SCG2: variants seen among roughly 807,000 people sequenced by gnomAD.
SCG2 encodes secretogranin II.
Under a neutral mutation model 49.5 loss-of-function variants are expected in SCG2, and 23 were observed. The observed-to-expected ratio is 0.46, with a 90% CI of 0.33 to 0.66. The LOEUF is 0.66. Among genes scored for constraint, SCG2 ranks in the 30% least tolerant of loss-of-function variants. SCG2 has a pLI of 0.01. For missense variants in SCG2, 730 were observed against 728.2 expected (o/e 1.00, Z -0.03); for synonymous variants, 288 against 260.4 (o/e 1.11, Z -1.02).
rs866502357 is a variant in SCG2 at position 223,599,240 on chromosome 2, G to A, written c.43C>T (p.Leu15Phe). 1 of 1,601,606 alleles carries A rather than the reference G, an allele frequency of 6.2e-7. No homozygotes were observed. Among genetic ancestry groups the A allele is most frequent in the East Asian group, 2.2e-5 (1 of 44,470 alleles). The change falls in exon 2 of 2, where the codon CTT becomes TTT. Residue 15 changes from leucine to phenylalanine, a missense_variant. Leu to Phe is a conservative substitution (Grantham distance 22). Coordinates refer to ENST00000305409, the MANE Select transcript of SCG2 (RefSeq NM_003469.5). ...GAGATGAGGAAAATTAAAGGGATAA[G>A]AGACAGGGCTGCTCCAAGCCAGTGG... ...KTHWLGAALS[L>F]IPLIFLISGA...
intron 1 of SCG2, among the ~76,000 whole-genome samples, chr2:223,600,624 T>C (rs1691376081): frequency 6.6e-6 from 1 of 152,186 alleles, no homozygotes. Flanking sequence ...AATTTTCTGT[T>C]AGCTTAGACA....
intron 1 of SCG2, among the ~76,000 whole-genome samples, chr2:223,600,158 A>G (rs1691369498): frequency 6.6e-6 from 1 of 152,180 alleles, no homozygotes; most frequent in South Asian, 2.1e-4. Context: ...AGCCCTTCAG[A>G]GTGTATAGTA....
Position 223,598,700 on chromosome 2 carries a change from G to A in SCG2, c.583C>T (p.Leu195Phe), listed in dbSNP as rs1189388472. 3 of 1,613,892 alleles carry A rather than the reference G, an allele frequency of 1.9e-6. No homozygotes were observed. Among genetic ancestry groups the A allele is most frequent in the Admixed American group, 1.7e-5 (1 of 60,018 alleles). The change falls in exon 2 of 2, where the codon CTT becomes TTT. Residue 195 changes from leucine to phenylalanine, a missense_variant. By Grantham distance (22) the Leu-to-Phe change is conservative. Transcript: ENST00000305409. ...IVEEQYTPQS[L>F]ATLESVFQEL... ...TGGAAGACAGATTCCAATGTAGCAA[G>A]GCTTTGAGGAGTATATTGTTCCTCC...
chr2:223,598,247 G>A lies in SCG2; in HGVS notation c.1036C>T (p.Gln346Ter), dbSNP rs1240805042. The A allele has an allele frequency of 1.9e-6, 3 of 1,614,170 alleles. No homozygotes were observed. The change falls in exon 2 of 2, where the codon CAG (glutamine) becomes TAG (stop). Residue 346 changes from glutamine (Q) to a stop codon, truncating the protein, a stop_gained. Coordinates refer to ENST00000305409, the MANE Select transcript of SCG2 (RefSeq NM_003469.5). LOFTEE classifies it high-confidence loss of function. Reference protein sequence around the residue: ...TRLFEKPLDSQSIYQLIEISR... With the variant: ...TRLFEKPLDS ...ATTTCAATCAGCTGATAAATAGACT[G>A]AGAATCAAGAGGTTTCTCAAAAAGC...
At position 223,597,846 on chromosome 2, in the gene SCG2, G is replaced by A. The variant is rs1205769089; in HGVS notation, c.1437C>T (p.Pro479=). 2.5e-6 allele frequency: 4 copies of A among 1,613,976 alleles called. No individual in the cohort carries two copies. Among genetic ancestry groups the A allele is most frequent in the Non-Finnish European group, 3.4e-6 (4 of 1,180,028 alleles). Residue 479 remains proline (P), a synonymous_variant, in exon 2 of 2, where the codon CCC becomes CCT. Transcript: ENST00000305409. ...CAACATGTGGAATCCAGGCAGCTTT[G>A]GGAAGCTGGTTCGATCTAGATCTTC... ...GAGRSRSNQL[P]KAAWIPHVEN...
At position 223,597,950 on chromosome 2, in the gene SCG2, C is replaced by T. The variant is rs1691324980; in HGVS notation, c.1333G>A (p.Ala445Thr). Residue 445 changes from alanine to threonine, a missense_variant, in exon 2 of 2, where the codon GCA becomes ACA. Physicochemically the swap from Ala to Thr is moderately conservative, Grantham distance 58. Transcript: ENST00000305409. ...AAATACGACGTTTTCTGATTTGCTG[C>T]ACTCTCCATCCCTAAAAGATTTAAA... ...DILNLLGMESAANQKTSYFPN... is the reference protein window; with the variant it reads ...DILNLLGMESTANQKTSYFPN... 1 of 1,614,126 alleles carries T rather than the reference C, an allele frequency of 6.2e-7. No homozygotes were observed. The highest frequency in any genetic ancestry group is 1.7e-5 in the Admixed American group (1 of 60,018).
Position 223,598,604 on chromosome 2 carries a change from T to C in SCG2, c.679A>G (p.Thr227Ala). The C allele has an allele frequency of 6.2e-7, 1 of 1,614,164 alleles. No homozygotes were observed. Among genetic ancestry groups the C allele is most frequent in the Non-Finnish European group, 8.5e-7 (1 of 1,180,046 alleles). Residue 227 changes from threonine to alanine, a missense_variant, in exon 2 of 2, where the codon ACG (threonine) becomes GCG (alanine). Coordinates refer to ENST00000305409, the MANE Select transcript of SCG2 (RefSeq NM_003469.5). ...ERMDEEQKLY[T>A]DDEDDIYKAN... is the part of the protein sequence containing the mutation. ...TTGTAGATATCATCTTCATCATCCG[T>C]ATAAAGTTTTTGCTCCTCATCCATC...
chr2:223,597,442 A>G lies in SCG2; in HGVS notation c.1841T>C (p.Met614Thr). 4 of 1,597,170 alleles carry G rather than the reference A, an allele frequency of 2.5e-6. No individual in the cohort carries two copies. The highest frequency in any genetic ancestry group is 2.6e-6 in the Non-Finnish European group (3 of 1,171,466). ...KGREHIAKRA[M>T]ENM is the part of the protein sequence containing the mutation. Reference sequence around the variant, plus strand: ...AATGAAAGCAGCTTACATATTTTCCATTGCTCTCTTAGCAATATGCTCCCT... The same window carrying G: ...AATGAAAGCAGCTTACATATTTTCCGTTGCTCTCTTAGCAATATGCTCCCT... The change falls in exon 2 of 2, where the codon ATG becomes ACG. Residue 614 changes from methionine (M) to threonine (T), a missense_variant. Physicochemically the swap from Met to Thr is moderately conservative, Grantham distance 81. Transcript: ENST00000305409.
chr2:223,602,066 G>A (rs1691399355), intron 1 of SCG2: 1 of 152,096 alleles, frequency 6.6e-6, no homozygotes, highest in African/African-American at 2.4e-5. Context: ...GTAACATTCT[G>A]GTTAGTAAAT....
chr2:223,598,552 A>T lies in SCG2; in HGVS notation c.731T>A (p.Val244Glu), dbSNP rs779561900. The T allele has an allele frequency of 6.2e-7, 1 of 1,613,788 alleles. No individual in the cohort carries two copies. Among genetic ancestry groups the T allele is most frequent in the Admixed American group, 1.7e-5 (1 of 59,982 alleles). The change falls in exon 2 of 2, where the codon GTG (valine) becomes GAG (glutamate). Residue 244 changes from valine to glutamate, a missense_variant. Val to Glu is a moderately radical substitution (Grantham distance 121). Coordinates refer to ENST00000305409, the MANE Select transcript of SCG2 (RefSeq NM_003469.5). ...TGGGTTCCAGTCTTCTCCCCCGACC[A>T]CATCTTCATAGGCAATGTTATTAGC... is the stretch of plus-strand genomic sequence containing the variant. ...YKANNIAYED[V>E]VGGEDWNPVE...
Position 223,598,660 on chromosome 2 carries a change from A to G in SCG2, c.623T>C (p.Leu208Pro), listed in dbSNP as rs775013040. ...ACGTTTCTGGTTGTTTGGTCCTGTC[A>G]GTTTCCCCAGCTCTTGGAAGACAGA... is the stretch of plus-strand genomic sequence containing the variant. ...LESVFQELGKLTGPNNQKRER... is the reference protein window; with the variant it reads ...LESVFQELGKPTGPNNQKRER... The change falls in exon 2 of 2, where the codon CTG becomes CCG. Residue 208 changes from leucine to proline, a missense_variant. Coordinates refer to ENST00000305409, the MANE Select transcript of SCG2 (RefSeq NM_003469.5). The G allele has an allele frequency of 1.2e-6, 2 of 1,614,034 alleles. No homozygotes were observed. The highest frequency in any genetic ancestry group is 1.7e-6 in the Non-Finnish European group (2 of 1,180,034).
rs1691321202 is a variant in SCG2 at position 223,597,748 on chromosome 2, A to G, written c.1535T>C (p.Leu512Pro). ...QELGEYLARM[L>P]VKYPEIINSN... ...ATTAATGATCTCAGGGTATTTAACT[A>G]GCATCCTGGCCAAGTACTCACCTAA... is the stretch of plus-strand genomic sequence containing the variant. The change falls in exon 2 of 2, where the codon CTA becomes CCA. Residue 512 changes from leucine (L) to proline (P), a missense_variant. Physicochemically the swap from Leu to Pro is moderately conservative, Grantham distance 98 (BLOSUM62 -3). Coordinates refer to ENST00000305409, the MANE Select transcript of SCG2 (RefSeq NM_003469.5). The G allele has an allele frequency of 1.9e-6, 3 of 1,614,150 alleles. No individual in the cohort carries two copies. Among genetic ancestry groups the G allele is most frequent in the Non-Finnish European group, 2.5e-6 (3 of 1,180,024 alleles).
chr2:223,597,752 T>C lies in SCG2; in HGVS notation c.1531A>G (p.Met511Val). Residue 511 changes from methionine to valine, a missense_variant, in exon 2 of 2, where the codon ATG (methionine) becomes GTG (valine). Coordinates refer to ENST00000305409, the MANE Select transcript of SCG2 (RefSeq NM_003469.5). ...ATGATCTCAGGGTATTTAACTAGCA[T>C]CCTGGCCAAGTACTCACCTAATTCT... is the stretch of plus-strand genomic sequence containing the variant. Reference protein sequence around the residue: ...DQELGEYLARMLVKYPEIINS... With the variant: ...DQELGEYLARVLVKYPEIINS... The C allele has an allele frequency of 1.9e-6, 3 of 1,614,156 alleles. No individual in the cohort carries two copies. The highest frequency in any genetic ancestry group is 2.5e-6 in the Non-Finnish European group (3 of 1,180,024).
chr2:223,602,056 G>A (rs902992923), intron 1 of SCG2: 1 of 152,102 alleles, frequency 6.6e-6, no homozygotes, highest in Admixed American at 6.5e-5. Flanking sequence ...GATTATCTAA[G>A]TAACATTCTG....
chr2:223,598,996 T>G lies in SCG2; in HGVS notation c.287A>C (p.Glu96Ala). Residue 96 changes from glutamate to alanine, a missense_variant, in exon 2 of 2, where the codon GAA (glutamate) becomes GCA (alanine). Coordinates refer to ENST00000305409, the MANE Select transcript of SCG2 (RefSeq NM_003469.5). ...VPLQQKENGD[E>A]SHLPERDSLS... The stretch of plus-strand genomic sequence containing the variant: ...TGAATCCCTCTCGGGCAAGTGGCTT[T>G]CATCGCCATTTTCTTTTTGCTGAAG... The G allele has an allele frequency of 6.2e-7, 1 of 1,614,238 alleles. No individual in the cohort carries two copies. Among genetic ancestry groups the G allele is most frequent in the Middle Eastern group, 1.6e-4 (1 of 6,062 alleles).
chr2:223,597,800 C>T lies in SCG2; in HGVS notation c.1483G>A (p.Glu495Lys). 3 of 1,614,168 alleles carry T rather than the reference C, an allele frequency of 1.9e-6. No homozygotes were observed. Among genetic ancestry groups the T allele is most frequent in the Non-Finnish European group, 2.5e-6 (3 of 1,180,040 alleles). The change falls in exon 2 of 2, where the codon GAA (glutamate) becomes AAA (lysine). Residue 495 changes from glutamate (E) to lysine (K), a missense_variant. Coordinates refer to ENST00000305409, the MANE Select transcript of SCG2 (RefSeq NM_003469.5). ...PHVENRQMAY[E>K]NLNDKDQELG... The stretch of plus-strand genomic sequence containing the variant: ...TCTTGATCCTTGTCGTTCAGGTTTT[C>T]ATATGCCATCTGTCTGTTTTCAACA...
At position 223,597,571 on chromosome 2, in the gene SCG2, A is replaced by G. The variant is rs771831325; in HGVS notation, c.1712T>C (p.Val571Ala). ...GGTATCATCATTCTTCGGGGGCCCC[A>G]CAGGGAACCTTTTGCTCACCGGGGC... The part of the protein sequence containing the change: ...KLAPVSKRFP[V>A]GPPKNDDTPN... The change falls in exon 2 of 2, where the codon GTG (valine) becomes GCG (alanine). Residue 571 changes from valine (V) to alanine (A), a missense_variant. Val to Ala is a moderately conservative substitution (Grantham distance 64). Transcript: ENST00000305409. 6.2e-7 allele frequency: 1 copy of G among 1,614,114 alleles called. No homozygotes were observed. Among genetic ancestry groups the G allele is most frequent in the Non-Finnish European group, 8.5e-7 (1 of 1,180,030 alleles).
chr2:223,601,398 G>A (rs41438247), intron 1 of SCG2, among the ~76,000 whole-genome samples: 3,872 of 152,150 alleles, frequency 0.025, 64 homozygotes, highest in Middle Eastern at 0.062. Flanking sequence ...TTGAATTCAG[G>A]CTAGAGCATT....
At position 223,597,930 on chromosome 2, in the gene SCG2, C is replaced by A. The variant is rs143843249; in HGVS notation, c.1353G>T (p.Ser451=). The A allele has an allele frequency of 6.8e-6, 11 of 1,613,904 alleles. No individual in the cohort carries two copies. The Admixed American group carries it at 1.7e-4, about 24-fold the overall frequency. ...CCTGGTTATATGGATTGGGAAAATACGACGTTTTCTGATTTGCTGCACTCT... is the reference window on the plus strand; with the variant it reads ...CCTGGTTATATGGATTGGGAAAATAAGACGTTTTCTGATTTGCTGCACTCT... ...GMESAANQKT[S]YFPNPYNQEK... Residue 451 remains serine (S), a synonymous_variant, in exon 2 of 2, where the codon TCG becomes TCT. Transcript: ENST00000305409.
Sources: allele counts gnomAD v4.1 joint callset (sites outside exome capture counted in the v4.1 genomes callset), GRCh38; gene constraint gnomAD v4.1.1; transcripts MANE v1.5; gene names NCBI Gene and HGNC (gene_info 2026-07-23, HGNC 2026-07-21).